GARRE1: variants seen among roughly 807,000 people sequenced by gnomAD.
GARRE1 encodes granule associated Rac and RHOG effector protein 1.
In GARRE1, 49 loss-of-function variants were observed where a neutral mutation model predicts 103.2. The ratio of observed to expected loss-of-function variants is 0.47; its 90% confidence interval spans 0.38 to 0.60. GARRE1 has a LOEUF of 0.60. GARRE1 is among the 20% of genes least tolerant of loss of function. GARRE1 has a pLI of 0.00. For synonymous variants in GARRE1, 505 were observed against 532.8 expected, an observed-to-expected ratio of 0.95 and a Z score of 0.72; for missense variants, 1,199 against 1,370.5, an observed-to-expected ratio of 0.87 and a Z score of 1.98.
intron 1 of GARRE1, among the ~76,000 whole-genome samples, chr19:34,256,867 A>T (rs1430560549): frequency 6.6e-6 from 1 of 152,162 alleles, no homozygotes; most frequent in African/African-American, 2.4e-5. Flanking sequence ...AAGTACAGGG[A>T]ATATTTCATG....
intron 2 of GARRE1, among the ~76,000 whole-genome samples, chr19:34,312,179 A>T (rs1167044999): frequency 6.6e-6 from 1 of 152,152 alleles, no homozygotes; most frequent in Non-Finnish European, 1.5e-5. Context: ...AAGTGGAAGC[A>T]GGAAGACTAG....
chr19:34,322,201 C>T (rs573697315), intron 3 of GARRE1, among the ~76,000 whole-genome samples: 21 of 152,264 alleles, frequency 1.4e-4, no homozygotes, highest in African/African-American at 3.9e-4. Context: ...GACAGAGTTT[C>T]GCTCTTGTTG....
At position 34,333,695 on chromosome 19, in the gene GARRE1, C is replaced by G. The variant is rs771360832; in HGVS notation, c.1264-9C>G. ...GTTATTTGTTTTTTTTTTTTTTTTT[C>G]GATCTTAGGTGGTGGTTGACACAGC... On this transcript the variant is annotated splice_polypyrimidine_tract_variant and intron_variant, in intron 7 of 13. Transcript: ENST00000299505. 2.2e-4 allele frequency: 73 copies of G among 335,926 alleles called. No homozygotes were observed. Among genetic ancestry groups the G allele is most frequent in the Non-Finnish European group, 3.3e-4 (70 of 212,948 alleles). 20.8% of individuals were successfully genotyped at this position (335,926 alleles called of 1,614,324 possible). A position where few individuals can be genotyped will look rare whatever the true frequency, so the allele number is the denominator to read the frequency against.
chr19:34,350,237 C>T (rs1037522871), intron 12 of GARRE1, among the ~76,000 whole-genome samples: 3 of 152,064 alleles, frequency 2.0e-5, no homozygotes, highest in African/African-American at 7.2e-5. Context: ...GGGGAATCGG[C>T]AGTGGGGTGT....
At chr19:34,327,665 T>C in intron 4 of GARRE1, 104 bp downstream of exon 4, 1 of 1,479,126 alleles carries the variant, frequency 6.8e-7, no homozygotes, top group Non-Finnish European at 9.4e-7. Context: ...AGAGTAGTAA[T>C]TGACCTTTTA....
rs774827554 is a variant in GARRE1 at position 34,330,183 on chromosome 19, C to G, written c.1105-6C>G. On this transcript the variant is annotated splice_region_variant and splice_polypyrimidine_tract_variant and intron_variant, in intron 6 of 13. Coordinates refer to ENST00000299505, the MANE Select transcript of GARRE1 (RefSeq NM_014686.5). The stretch of plus-strand genomic sequence containing the variant: ...AGGTGTGAACTCTCTTCTTATCAAT[C>G]TATAGCATACAATGTTACAGCTGAT... 1 of 1,613,190 alleles carries G rather than the reference C, an allele frequency of 6.2e-7. No individual in the cohort carries two copies. The highest frequency in any genetic ancestry group is 1.1e-5 in the South Asian group (1 of 90,916).
intron 1 of GARRE1, among the ~76,000 whole-genome samples, chr19:34,279,368 C>T (rs747639392): frequency 3.3e-5 from 5 of 152,010 alleles, no homozygotes; most frequent in Non-Finnish European, 7.4e-5. Context: ...TGGCCCATTG[C>T]GATCTCGGCT....
intron 11 of GARRE1, 73 bp downstream of exon 11, chr19:34,348,115 G>A: frequency 2.4e-6 from 3 of 1,272,638 alleles, no homozygotes; most frequent in Non-Finnish European, 3.1e-6. Context: ...GAGAAGAGAG[G>A]CTCCTTGCCT....
At chr19:34,285,358 A>C (rs1019461970) in intron 1 of GARRE1, 4 of 152,162 alleles carry the variant, frequency 2.6e-5, no homozygotes, top group African/African-American at 9.7e-5. Context: ...ATGATGGCTC[A>C]TGGCTGTAAT....
intron 1 of GARRE1, among the ~76,000 whole-genome samples, chr19:34,259,139 G>C (rs2073696959): frequency 6.6e-6 from 1 of 152,166 alleles, no homozygotes; most frequent in Non-Finnish European, 1.5e-5. Flanking sequence ...CTGCACTCCA[G>C]CCCAAGCAAC....
chr19:34,259,471 T>C (rs1193216815), intron 1 of GARRE1, among the ~76,000 whole-genome samples: 1 of 152,150 alleles, frequency 6.6e-6, no homozygotes, highest in Non-Finnish European at 1.5e-5. Context: ...TACTGGAAGA[T>C]CAGAATACAG....
intron 1 of GARRE1, among the ~76,000 whole-genome samples, chr19:34,275,953 T>C (rs925641986): frequency 6.6e-6 from 1 of 152,242 alleles, no homozygotes; most frequent in East Asian, 1.9e-4. Flanking sequence ...GATTTTGATT[T>C]GCATTTCCCT....
At chr19:34,303,701 C>T (rs891620836) in intron 2 of GARRE1, among the ~76,000 whole-genome samples, 3 of 151,690 alleles carry the variant, frequency 2.0e-5, no homozygotes, top group Non-Finnish European at 2.9e-5. Context: ...CTGCAGCCTC[C>T]GCTGCCCGGG....
At chr19:34,347,090 A>ATT (rs1191719586) in intron 10 of GARRE1, among the ~76,000 whole-genome samples, 15 of 138,018 alleles carry the variant, frequency 1.1e-4, no homozygotes, top group African/African-American at 2.7e-4. Flanking sequence ...CACCCAACTA[A>ATT]TTTTTTTTTT....
intron 1 of GARRE1, among the ~76,000 whole-genome samples, chr19:34,282,070 G>A (rs1332716203): frequency 1.3e-5 from 2 of 151,652 alleles, no homozygotes; most frequent in African/African-American, 2.4e-5. Flanking sequence ...ATTTCTTCTC[G>A]TTTTTATCTT....
At chr19:34,314,097 G>A (rs926475332) in intron 2 of GARRE1, among the ~76,000 whole-genome samples, 2 of 152,048 alleles carry the variant, frequency 1.3e-5, no homozygotes, top group African/African-American at 2.4e-5. Context: ...CACCGTGCCC[G>A]GCCAAAACTT....
chr19:34,271,115 C>T (rs1225348544), intron 1 of GARRE1, among the ~76,000 whole-genome samples: 11 of 152,066 alleles, frequency 7.2e-5, no homozygotes, highest in Admixed American at 7.2e-4. Context: ...TGTTTGGTTC[C>T]CTGGGATTAA....
In GARRE1 at chr19:34,278,444, CAAAAAA is replaced by C. The variant is rs71165640; in HGVS notation, c.-795-21217_-795-21212del. 6.5e-4 allele frequency among the ~76,000 whole-genome samples: 37 copies of C among 57,106 alleles called. No homozygotes were observed. The East Asian group carries it at 0.017, about 26-fold the overall frequency. 37.5% of individuals were successfully genotyped at this position (57,106 alleles called of 152,430 possible). A position where few individuals can be genotyped will look rare whatever the true frequency, so the allele number is the denominator to read the frequency against. ...TGGGTGACAGAGCAAGACTCCATCT[CAAAAAA>C]AAAAAAAAAAAAAAAAAGTCTTGCC... On this transcript the variant is annotated intron_variant, in intron 1 of 13. Transcript: ENST00000299505.
At chr19:34,299,176 C>A (rs1360732111) in intron 1 of GARRE1, among the ~76,000 whole-genome samples, 2 of 152,212 alleles carry the variant, frequency 1.3e-5, no homozygotes, top group Non-Finnish European at 2.9e-5. Context: ...GTCCCTTTTG[C>A]ACTTGTCCAA....
Sources: gnomAD v4.1 joint callset for allele counts (sites outside exome capture counted in the v4.1 genomes callset) on GRCh38, gnomAD v4.1.1 for gene constraint, MANE v1.5 for transcripts, NCBI Gene and HGNC (gene_info 2026-07-23, HGNC 2026-07-21) for gene names.